EPHA6: variants seen among roughly 807,000 people sequenced by gnomAD.
EPHA6 encodes the protein EPH receptor A6, also known as ephrin type-A receptor 6.
A neutral mutation model predicts 112.0 loss-of-function variants in EPHA6; 50 were observed. The observed-to-expected ratio is 0.45, with a 90% CI of 0.36 to 0.56. The LOEUF is 0.56. Among genes scored for constraint, EPHA6 ranks in the 20% least tolerant of loss-of-function variants. EPHA6 has a pLI of 0.00. For synonymous variants in EPHA6, 529 were observed against 490.7 expected, an observed-to-expected ratio of 1.08 and a Z score of -1.03; for missense variants, 1,280 against 1,417.4, an observed-to-expected ratio of 0.90 and a Z score of 1.56.
At chr3:97,542,287 T>G in intron 11 of EPHA6, among the ~76,000 whole-genome samples, 1 of 152,064 alleles carries the variant, frequency 6.6e-6, no homozygotes, top group African/African-American at 2.4e-5. Context: ...ATGTTTCCCT[T>G]CCTGTGTCCA....
chr3:97,039,268 A>G (rs2045227184), intron 3 of EPHA6, among the ~76,000 whole-genome samples: 1 of 152,068 alleles, frequency 6.6e-6, no homozygotes, highest in Non-Finnish European at 1.5e-5. Flanking sequence ...AGAGAAAATG[A>G]TAGTGTAGGA....
At chr3:97,107,896 G>A (rs1024705839) in intron 3 of EPHA6, among the ~76,000 whole-genome samples, 1 of 152,022 alleles carries the variant, frequency 6.6e-6, no homozygotes, top group Non-Finnish European at 1.5e-5. Flanking sequence ...TCTCATTGTA[G>A]TTTTAAAGTG....
chr3:97,657,501 CAGT>C (rs2094144184), intron 14 of EPHA6, among the ~76,000 whole-genome samples: 1 of 151,732 alleles, frequency 6.6e-6, no homozygotes, highest in Non-Finnish European at 1.5e-5. Flanking sequence ...GTAGAGTAAA[CAGT>C]AGGTTATAAA....
At chr3:97,553,614 A>G (rs1410020745) in intron 11 of EPHA6, among the ~76,000 whole-genome samples, 1 of 152,082 alleles carries the variant, frequency 6.6e-6, no homozygotes, top group Non-Finnish European at 1.5e-5. Context: ...TATCAAGAGA[A>G]CAGCATGGGG....
chr3:97,168,701 C>T (rs959541887), intron 3 of EPHA6, among the ~76,000 whole-genome samples: 1 of 151,994 alleles, frequency 6.6e-6, no homozygotes, highest in Non-Finnish European at 1.5e-5. Flanking sequence ...TTTCCTGAGG[C>T]CTCCCCAGAA....
At chr3:96,956,715 T>C (rs2107737556) in intron 2 of EPHA6, among the ~76,000 whole-genome samples, 1 of 152,132 alleles carries the variant, frequency 6.6e-6, no homozygotes, top group Non-Finnish European at 1.5e-5. Flanking sequence ...ACACAAACCC[T>C]GAGACAGAAG....
Position 97,403,578 on chromosome 3 carries a change from C to T in EPHA6, c.1607-1572C>T, listed in dbSNP as rs576548513. ...TCTCCTGCCTCAGTCTCCTGAGTAG[C>T]TGGGATTACAGGCGCCTGCCACCAT... On this transcript the variant is annotated intron_variant, in intron 5 of 17. Coordinates refer to ENST00000389672, the MANE Select transcript of EPHA6 (RefSeq NM_001080448.3). 9.4e-4 allele frequency among the ~76,000 whole-genome samples: 143 copies of T among 152,312 alleles called. 2 individuals are homozygous for T. The highest frequency in any genetic ancestry group is 3.3e-3 in the African/African-American group (139 of 41,572).
chr3:96,873,825 G>A (rs2036781565), intron 2 of EPHA6, among the ~76,000 whole-genome samples: 1 of 152,048 alleles, frequency 6.6e-6, no homozygotes, highest in Non-Finnish European at 1.5e-5. Flanking sequence ...TTCTGTCCCT[G>A]AATATTCAGA....
chr3:97,140,795 A>T (rs931283908), intron 3 of EPHA6, among the ~76,000 whole-genome samples: 9 of 152,198 alleles, frequency 5.9e-5, no homozygotes, highest in Admixed American at 3.9e-4. Flanking sequence ...ACTAGGTAAC[A>T]ACATTATGAT....
intron 5 of EPHA6, among the ~76,000 whole-genome samples, chr3:97,388,237 C>G (rs1298152297): frequency 6.6e-6 from 1 of 152,106 alleles, no homozygotes; most frequent in Non-Finnish European, 1.5e-5. Context: ...TCAGAGACAA[C>G]AAAACCATCC....
chr3:97,407,044 C>T (rs1369401457), intron 6 of EPHA6, among the ~76,000 whole-genome samples: 1 of 152,056 alleles, frequency 6.6e-6, no homozygotes, highest in African/African-American at 2.4e-5. Context: ...AGAAAAATCA[C>T]TGTCTAATTT....
intron 3 of EPHA6, among the ~76,000 whole-genome samples, chr3:97,025,821 G>A (rs2213258): frequency 1.3e-5 from 2 of 151,850 alleles, no homozygotes; most frequent in Middle Eastern, 3.4e-3. Flanking sequence ...TCTCCCTGAC[G>A]TCATGATCTG....
At chr3:97,240,863 A>G (rs1257848004) in intron 4 of EPHA6, among the ~76,000 whole-genome samples, 1 of 151,878 alleles carries the variant, frequency 6.6e-6, no homozygotes, top group Non-Finnish European at 1.5e-5. Context: ...TATTTGAGCA[A>G]CAAACTGATT....
intron 3 of EPHA6, among the ~76,000 whole-genome samples, chr3:97,063,134 C>G (rs1438212694): frequency 6.6e-6 from 1 of 152,090 alleles, no homozygotes. Flanking sequence ...TTGTGGAAGA[C>G]AGTGTGGCAA....
At chr3:96,975,535 C>T (rs749493714) in intron 2 of EPHA6, among the ~76,000 whole-genome samples, 7 of 152,004 alleles carry the variant, frequency 4.6e-5, no homozygotes, top group South Asian at 2.1e-4. Flanking sequence ...CAATGAAGAC[C>T]AAATGAGTTA....
At chr3:97,577,672 A>T (rs1484282273) in intron 11 of EPHA6, among the ~76,000 whole-genome samples, 1 of 152,190 alleles carries the variant, frequency 6.6e-6, no homozygotes, top group East Asian at 1.9e-4. Context: ...AACCAGTTAA[A>T]ATTTTTATCT....
At chr3:97,510,234 G>A (rs2092338409) in intron 10 of EPHA6, among the ~76,000 whole-genome samples, 1 of 152,314 alleles carries the variant, frequency 6.6e-6, no homozygotes, top group East Asian at 1.9e-4. Context: ...TCCCTTGCTT[G>A]TGAGGAGCTG....
chr3:97,565,251 A>C (rs2093247269), intron 11 of EPHA6, among the ~76,000 whole-genome samples: 1 of 150,588 alleles, frequency 6.6e-6, no homozygotes, highest in African/African-American at 2.5e-5. Flanking sequence ...TATTCAAGGA[A>C]AATTAGCCCC....
At position 96,942,095 on chromosome 3, in the gene EPHA6, C is replaced by T. The variant is rs565926527; in HGVS notation, c.451-45235C>T. 2.0e-4 allele frequency among the ~76,000 whole-genome samples: 31 copies of T among 152,292 alleles called. 1 individual carries two copies. The South Asian group carries it at 6.4e-3, about 32-fold the overall frequency. On this transcript the variant is annotated intron_variant, in intron 2 of 17. Coordinates refer to ENST00000389672, the MANE Select transcript of EPHA6 (RefSeq NM_001080448.3). ...CTTGAGGAGGCAGTCTGCCCATTCT[C>T]AGATCTCCAGCTGCGTGCTGGGAGA...
Sources: gnomAD v4.1 joint callset for allele counts (sites outside exome capture counted in the v4.1 genomes callset) on GRCh38, gnomAD v4.1.1 for gene constraint, MANE v1.5 for transcripts, NCBI Gene and HGNC (gene_info 2026-07-23, HGNC 2026-07-21) for gene names.